Variants in DENND3 observed in about 807,000 individuals in gnomAD.
DENND3 encodes DENN domain containing 3, also known as DENN domain-containing protein 3.
A neutral mutation model predicts 135.1 loss-of-function variants in DENND3; 88 were observed. The ratio of observed to expected loss-of-function variants is 0.65; its 90% confidence interval spans 0.55 to 0.78. DENND3 has a LOEUF of 0.78. Among genes scored for constraint, DENND3 ranks in the 30% least tolerant of loss-of-function variants. The pLI is 0.00. For synonymous variants in DENND3, 693 were observed against 712.3 expected, an observed-to-expected ratio of 0.97 and a Z score of 0.43; for missense variants, 1,392 against 1,688.4, an observed-to-expected ratio of 0.82 and a Z score of 3.08.
intron 5 of DENND3, chr8:141,150,263 C>A: frequency 8.0e-7 from 1 of 1,246,286 alleles, no homozygotes; most frequent in Non-Finnish European, 1.0e-6. Flanking sequence ...ACTGAACCTT[C>A]TCCTCTGGAT....
chr8:141,145,873 G>A (rs1187928595), intron 5 of DENND3, among the ~76,000 whole-genome samples: 1 of 125,854 alleles, frequency 7.9e-6, no homozygotes, highest in Non-Finnish European at 1.6e-5. Flanking sequence ...TTTTGAGGCG[G>A]AGTCTTGCTC....
At position 141,137,269 on chromosome 8, in the gene DENND3, C is replaced by T. The variant is rs1261849579; in HGVS notation, c.385+478C>T. Among the ~76,000 whole-genome samples, 5 of 152,184 alleles carry T rather than the reference C, an allele frequency of 3.3e-5. No individual in the cohort carries two copies. The highest frequency in any genetic ancestry group is 7.2e-5 in the African/African-American group (3 of 41,444). ...TGCTGGGATTACAGGCGTGAGCCAC[C>T]GTGCTCGACCTACCTTGGGGATTTT... On this transcript the variant is annotated intron_variant, in intron 2 of 22. Transcript: ENST00000519811. This position sits in a 1 kb window ranked among gnomAD's most constrained non-coding sequence, Gnocchi z 4.1.
intron 7 of DENND3, among the ~76,000 whole-genome samples, chr8:141,152,704 A>G (rs905954142): frequency 6.6e-6 from 1 of 152,028 alleles, no homozygotes; most frequent in African/African-American, 2.4e-5. Flanking sequence ...GGCTGCTCTG[A>G]ACACTTGTGT....
chr8:141,195,132 C>G lies in DENND3; in HGVS notation c.*899C>G, dbSNP rs376604624. On this transcript the variant is annotated 3_prime_UTR_variant, in exon 23 of 23. Coordinates refer to ENST00000519811, the MANE Select transcript of DENND3 (RefSeq NM_001352890.3). ...GCACACTGCGTATGTGTACGCGCAGCATGCTATACTGAACTCAACAAGATC... is the reference window on the plus strand; with the variant it reads ...GCACACTGCGTATGTGTACGCGCAGGATGCTATACTGAACTCAACAAGATC... The G allele has an allele frequency of 2.0e-5, 3 of 152,374 alleles. No homozygotes were observed. The highest frequency in any genetic ancestry group is 1.9e-4 in the East Asian group (1 of 5,184). 9.4% of individuals were successfully genotyped at this position (152,374 alleles called of 1,614,324 possible). A position where few individuals can be genotyped will look rare whatever the true frequency, so the allele number is the denominator to read the frequency against.
chr8:141,189,216 G>T, intron 19 of DENND3, 70 bp downstream of exon 19: 1 of 1,602,848 alleles, frequency 6.2e-7, no homozygotes, highest in East Asian at 2.2e-5. Context: ...AGCGGGTAGG[G>T]TTCCCAAGTC....
At chr8:141,190,990 C>T (rs887476879) in intron 20 of DENND3, among the ~76,000 whole-genome samples, 6 of 152,250 alleles carry the variant, frequency 3.9e-5, no homozygotes, top group African/African-American at 7.2e-5. Flanking sequence ...AGGTCTTCCT[C>T]GGCATGTGCC....
rs1426468805 is a variant in DENND3 at position 141,182,353 on chromosome 8, C to T, written c.2944+1499C>T. ...AACCCAGGAACGCGATAGACCCTGG[C>T]TGAGTGAGCAGGCAGCGTCATCAGG... On this transcript the variant is annotated intron_variant, in intron 17 of 22. Coordinates refer to ENST00000519811, the MANE Select transcript of DENND3 (RefSeq NM_001352890.3). The surrounding 1 kb of genome is among the most constrained non-coding windows in gnomAD (Gnocchi z 5.9). 2 of 985,348 alleles carry T rather than the reference C, an allele frequency of 2.0e-6. No homozygotes were observed. The highest frequency in any genetic ancestry group is 1.2e-4 in the Admixed American group (2 of 16,268). 61.0% of individuals were successfully genotyped at this position (985,348 alleles called of 1,614,324 possible).
At chr8:141,160,938 T>A in intron 9 of DENND3, 151 bp downstream of exon 9, 2 of 1,045,276 alleles carry the variant, frequency 1.9e-6, no homozygotes, top group South Asian at 3.7e-5. Context: ...AAAGCTTTTC[T>A]TGTGACTGTA....
intron 5 of DENND3, among the ~76,000 whole-genome samples, chr8:141,145,802 A>ATT (rs1440126063): frequency 7.8e-5 from 8 of 103,002 alleles, no homozygotes; most frequent in Non-Finnish European, 1.0e-4. Flanking sequence ...AATATTGAAT[A>ATT]TTATATATAT....
chr8:141,175,702 C>A lies in DENND3; in HGVS notation c.2535+243C>A, dbSNP rs1032961215. 1 of 559,370 alleles carries A rather than the reference C, an allele frequency of 1.8e-6. No homozygotes were observed. Among genetic ancestry groups the A allele is most frequent in the Non-Finnish European group, 3.2e-6 (1 of 313,928 alleles). 34.7% of individuals were successfully genotyped at this position (559,370 alleles called of 1,614,324 possible). A position where few individuals can be genotyped will look rare whatever the true frequency, so the allele number is the denominator to read the frequency against. ...AGCATGCTTAGAATGGTAACTGATT[C>A]TCTGTCACAGCTGACTTGCATCTGG... On this transcript the variant is annotated intron_variant, in intron 14 of 22. Transcript: ENST00000519811. The surrounding 1 kb of genome is among the most constrained non-coding windows in gnomAD (Gnocchi z 5.4).
In DENND3 at chr8:141,185,253, C is replaced by T; in HGVS notation, c.3059C>T (p.Ser1020Phe). 6.2e-7 allele frequency: 1 copy of T among 1,614,214 alleles called. No homozygotes were observed. Among genetic ancestry groups the T allele is most frequent in the Non-Finnish European group, 8.5e-7 (1 of 1,180,036 alleles). ...TCTTCATGGACCATCCACCAGCACT[C>T]CTTTAAAGTGGGCACTGCAAAAGTG... is the stretch of plus-strand genomic sequence containing the variant. ...NASSWTIHQHSFKVGTAKVNC... is the reference protein window; with the variant it reads ...NASSWTIHQHFFKVGTAKVNC... The change falls in exon 18 of 23, where the codon TCC (serine) becomes TTC (phenylalanine). Residue 1020 changes from serine to phenylalanine, a missense_variant. Ser to Phe is a radical substitution (Grantham distance 155, BLOSUM62 -2). Coordinates refer to ENST00000519811, the MANE Select transcript of DENND3 (RefSeq NM_001352890.3).
chr8:141,190,238 T>C (rs753938172), intron 19 of DENND3, 46 bp from the exon 20 acceptor site: 2 of 1,510,246 alleles, frequency 1.3e-6, no homozygotes, highest in South Asian at 1.4e-5. Flanking sequence ...CACAGTGTTT[T>C]CAGGGGCCCA....
rs189808180 is a variant in DENND3 at position 141,181,810 on chromosome 8, T to C, written c.2944+956T>C. ...TTTTTGAGTCAGGGTCTTGCTCTGT[T>C]GCCCAGGCTGGAGTGTAGTTGGTGC... On this transcript the variant is annotated intron_variant, in intron 17 of 22. Coordinates refer to ENST00000519811, the MANE Select transcript of DENND3 (RefSeq NM_001352890.3). 2.3e-3 allele frequency among the ~76,000 whole-genome samples: 351 copies of C among 151,600 alleles called. 1 individual carries two copies. The highest frequency in any genetic ancestry group is 8.1e-3 in the African/African-American group (333 of 40,982).
Position 141,150,875 on chromosome 8 carries a change from A to G in DENND3, c.777A>G (p.Arg259=). 6.2e-7 allele frequency: 1 copy of G among 1,609,308 alleles called. No individual in the cohort carries two copies. The change falls in exon 6 of 23, where the codon CGA becomes CGG. Residue 259 remains arginine, a synonymous_variant. Transcript: ENST00000519811. ...CGCTCCAGATTGTGTTACCTGCCCGAGCAGACCCCGAAAGCCCCATCCTGG... is the reference window on the plus strand; with the variant it reads ...CGCTCCAGATTGTGTTACCTGCCCGGGCAGACCCCGAAAGCCCCATCCTGG... The part of the protein sequence containing the change: ...MKSLQIVLPA[R]ADPESPILDL...
Position 141,175,185 on chromosome 8 carries a change from T to C in DENND3, c.2276-15T>C. The C allele has an allele frequency of 6.2e-7, 1 of 1,607,384 alleles. No homozygotes were observed. Among genetic ancestry groups the C allele is most frequent in the Admixed American group, 1.7e-5 (1 of 59,132 alleles). ...TGGCTGTAAGATACCTCTCTTTTCT[T>C]CTTATCAAACTAAGGACAGGAGAAA... On this transcript the variant is annotated splice_polypyrimidine_tract_variant and intron_variant, in intron 13 of 22. Transcript: ENST00000519811. The surrounding 1 kb of genome is among the most constrained non-coding windows in gnomAD (Gnocchi z 5.4).
rs746526889 is a variant in DENND3, at chr8:141,180,814, G to A, written c.2904G>A (p.Glu968=). ...LKHKINPSAG[E]AFPQAVDVLL... is the part of the protein sequence containing the mutation. ...ATAAAATCAACCCCTCGGCGGGGGA[G>A]GCGTTCCCACAAGCGGTGGACGTGC... Residue 968 remains glutamate (E), a synonymous_variant, in exon 17 of 23, where the codon GAG becomes GAA. Transcript: ENST00000519811. The A allele has an allele frequency of 6.2e-7, 1 of 1,613,378 alleles. No individual in the cohort carries two copies. The highest frequency in any genetic ancestry group is 8.5e-7 in the Non-Finnish European group (1 of 1,179,656).
rs1589571996 is a variant in DENND3 at position 141,146,388 on chromosome 8, T to C, written c.735+2129T>C. Among the ~76,000 whole-genome samples the C allele has an allele frequency of 6.6e-6, 1 of 152,226 alleles. No homozygotes were observed. Among genetic ancestry groups the C allele is most frequent in the Non-Finnish European group, 1.5e-5 (1 of 68,040 alleles). On this transcript the variant is annotated intron_variant, in intron 5 of 22. Transcript: ENST00000519811. The surrounding 1 kb of genome is among the most constrained non-coding windows in gnomAD (Gnocchi z 4.3). ...TTCCCCTTTTGTTTGTTGAGAAACATGTCAGGTTGCTCAGCTATGTGAAGA... is the reference window on the plus strand; with the variant it reads ...TTCCCCTTTTGTTTGTTGAGAAACACGTCAGGTTGCTCAGCTATGTGAAGA...
chr8:141,179,399 C>T (rs1033955075), intron 16 of DENND3, among the ~76,000 whole-genome samples: 4 of 152,244 alleles, frequency 2.6e-5, no homozygotes, highest in Non-Finnish European at 5.9e-5. Flanking sequence ...TACAGGAAAG[C>T]CTTCTAACGC....
In DENND3 at chr8:141,151,654, C is replaced by T. The variant is rs376487961; in HGVS notation, c.891C>T (p.Val297=). 1 of 1,614,056 alleles carries T rather than the reference C, an allele frequency of 6.2e-7. No individual in the cohort carries two copies. ...LTCILTEQRI[V]FFSSDWALLT... is the part of the protein sequence containing the mutation. ...GCATCCTGACGGAACAGCGGATCGT[C>T]TTCTTCTCCTCGGACTGGGCTCTGC... is the stretch of plus-strand genomic sequence containing the variant. Residue 297 remains valine (V), a synonymous_variant, in exon 7 of 23, where the codon GTC becomes GTT. Transcript: ENST00000519811.
Sources: gnomAD v4.1 joint callset for allele counts (sites outside exome capture counted in the v4.1 genomes callset) on GRCh38, gnomAD v4.1.1 for gene constraint, Gnocchi (gnomAD v3.1) non-coding constraint, MANE v1.5 for transcripts, NCBI Gene and HGNC (gene_info 2026-07-23, HGNC 2026-07-21) for gene names.